The following TRABD2B variants were observed in gnomAD, a reference collection of about 807,000 sequenced individuals.
TRABD2B encodes the protein TraB domain containing 2B.
Under a neutral mutation model 40.1 loss-of-function variants are expected in TRABD2B, and 14 were observed. The observed-to-expected ratio is 0.35, with a 90% CI of 0.23 to 0.55. The LOEUF (loss-of-function observed/expected upper bound fraction) is 0.55. Among genes scored for constraint, TRABD2B ranks in the 20% least tolerant of loss-of-function variants. The pLI is 0.90. For synonymous variants in TRABD2B, 263 were observed against 277.0 expected, an observed-to-expected ratio of 0.95 and a Z score of 0.50; for missense variants, 541 against 648.6, an observed-to-expected ratio of 0.83 and a Z score of 1.80.
rs189541034 is a variant in TRABD2B, at chr1:47,873,307, A to G, written c.667-71688T>C. Among the ~76,000 whole-genome samples, 225 of 152,272 alleles carry G rather than the reference A, an allele frequency of 1.5e-3. 1 individual carries two copies. Among genetic ancestry groups the G allele is most frequent in the Non-Finnish European group, 2.8e-3 (189 of 68,016 alleles). ...TTAGAGCCCAGAACCTGAGTGAGGGATGAAGCTGGTGTGTGGCTCACCCAA... is the reference window on the plus strand; with the variant it reads ...TTAGAGCCCAGAACCTGAGTGAGGGGTGAAGCTGGTGTGTGGCTCACCCAA... On this transcript the variant is annotated intron_variant, in intron 2 of 6. Transcript: ENST00000606738.
intron 2 of TRABD2B, chr1:47,818,485 C>T (rs1246427374): frequency 6.6e-6 from 1 of 152,282 alleles, no homozygotes; most frequent in Non-Finnish European, 1.5e-5. Context: ...ACTTCAATAT[C>T]TTCCCTGCTG....
Position 47,996,844 on chromosome 1 carries a change from G to A in TRABD2B, c.-55C>T. 8.6e-7 allele frequency: 1 copy of A among 1,162,738 alleles called. No individual in the cohort carries two copies. The highest frequency in any genetic ancestry group is 1.1e-6 in the Non-Finnish European group (1 of 943,768). 72.0% of individuals were successfully genotyped at this position (1,162,738 alleles called of 1,614,324 possible). Reference sequence around the variant, plus strand: ...CCTCCTGGGCGGCGCCCCTCAGCGGGGCGGGGAGCCCCCAGTTGGGCACGG... The same window carrying A: ...CCTCCTGGGCGGCGCCCCTCAGCGGAGCGGGGAGCCCCCAGTTGGGCACGG... On this transcript the variant is annotated 5_prime_UTR_variant, in exon 1 of 7. Coordinates refer to ENST00000606738, the MANE Select transcript of TRABD2B (RefSeq NM_001194986.2). The surrounding 1 kb of genome is among the most constrained non-coding windows in gnomAD (Gnocchi z 4.6).
intron 2 of TRABD2B, among the ~76,000 whole-genome samples, chr1:47,881,158 T>C (rs1644297995): frequency 6.6e-6 from 1 of 152,196 alleles, no homozygotes; most frequent in African/African-American, 2.4e-5. Flanking sequence ...CCCATGCCCA[T>C]GATCAACTTG....
Position 47,775,283 on chromosome 1 carries a change from G to A in TRABD2B, c.1236C>T (p.Pro412=), listed in dbSNP as rs550842849. Residue 412 remains proline, a synonymous_variant, in exon 6 of 7, where the codon CCC becomes CCT. Transcript: ENST00000606738. The stretch of plus-strand genomic sequence containing the variant: ...ACTCCTCCAGCTGGCTGAGGCTGTC[G>A]GGGAGCAGGAGGTGTGGGGACAGGG... ...DPALSPHLLL[P]DSLSQLEEFG... is the part of the protein sequence containing the mutation. 704 of 1,258,198 alleles carry A rather than the reference G, an allele frequency of 5.6e-4. No homozygotes were observed. The highest frequency in any genetic ancestry group is 1.8e-3 in the Middle Eastern group (7 of 3,928). 77.9% of individuals were successfully genotyped at this position (1,258,198 alleles called of 1,614,324 possible). A position where few individuals can be genotyped will look rare whatever the true frequency, so the allele number is the denominator to read the frequency against.
intron 4 of TRABD2B, among the ~76,000 whole-genome samples, chr1:47,784,259 T>C (rs773740429): frequency 3.9e-5 from 6 of 152,276 alleles, no homozygotes; most frequent in Non-Finnish European, 2.9e-5. Flanking sequence ...CTCTGAAGTA[T>C]TGGCAGCTGC....
At chr1:47,838,434 G>A (rs1437736791) in intron 2 of TRABD2B, among the ~76,000 whole-genome samples, 1 of 152,190 alleles carries the variant, frequency 6.6e-6, no homozygotes. Flanking sequence ...AAGAGCGGCT[G>A]CAGCTCATGT....
Position 47,940,375 on chromosome 1 carries a change from C to T in TRABD2B, c.666+53659G>A, listed in dbSNP as rs867626005. On this transcript the variant is annotated intron_variant, in intron 2 of 6. Coordinates refer to ENST00000606738, the MANE Select transcript of TRABD2B (RefSeq NM_001194986.2). ...CTCAAAAACAAGTCACTGTGTCCGA[C>T]GATGGCGATGATGGAATTTGTTGGG... Among the ~76,000 whole-genome samples the T allele has an allele frequency of 2.6e-4, 39 of 152,284 alleles. No individual in the cohort carries two copies. The South Asian group carries it at 2.7e-3, about 11-fold the overall frequency.
At chr1:47,962,635 G>A (rs576608646) in intron 2 of TRABD2B, among the ~76,000 whole-genome samples, 1 of 152,156 alleles carries the variant, frequency 6.6e-6, no homozygotes, top group African/African-American at 2.4e-5. Context: ...ATTCATTTAG[G>A]CTTCACAGCA....
chr1:47,961,711 C>T (rs556682263), intron 2 of TRABD2B, among the ~76,000 whole-genome samples: 28 of 152,244 alleles, frequency 1.8e-4, no homozygotes, highest in Middle Eastern at 3.4e-3. Context: ...AGTCAGGAAA[C>T]AACAGGTGCT....
intron 2 of TRABD2B, among the ~76,000 whole-genome samples, chr1:47,858,370 G>A (rs1050783987): frequency 3.3e-5 from 5 of 151,898 alleles, no homozygotes; most frequent in Admixed American, 6.6e-5. Context: ...CAATCCTTCC[G>A]CCTCAGCCTC....
chr1:47,947,399 G>A (rs1645274166), intron 2 of TRABD2B, among the ~76,000 whole-genome samples: 1 of 152,162 alleles, frequency 6.6e-6, no homozygotes. Context: ...AAACACCCAG[G>A]AGTGATGGGG....
At chr1:47,901,554 C>T (rs2124680274) in intron 2 of TRABD2B, among the ~76,000 whole-genome samples, 2 of 152,328 alleles carry the variant, frequency 1.3e-5, no homozygotes, top group Admixed American at 1.3e-4. Context: ...CAACAGCCTC[C>T]ACCTCCCTGA....
rs1034420900 is a variant in TRABD2B at position 47,761,826 on chromosome 1, C to G, written c.*4076G>C. On this transcript the variant is annotated 3_prime_UTR_variant, in exon 7 of 7. Coordinates refer to ENST00000606738, the MANE Select transcript of TRABD2B (RefSeq NM_001194986.2). Reference sequence around the variant, plus strand: ...ATTATGCCACTGGTGGAACTAAGGTCTGCCTCTCTCCTTCTTTTCTGCCTT... The same window carrying G: ...ATTATGCCACTGGTGGAACTAAGGTGTGCCTCTCTCCTTCTTTTCTGCCTT... 2 of 152,330 alleles carry G rather than the reference C, an allele frequency of 1.3e-5. No homozygotes were observed. The highest frequency in any genetic ancestry group is 2.9e-5 in the Non-Finnish European group (2 of 68,116). The allele number at this position is 152,330 out of a possible 1,614,324, so 9.4% of individuals were successfully genotyped here.
At chr1:47,870,808 C>A (rs952567679) in intron 2 of TRABD2B, among the ~76,000 whole-genome samples, 1 of 152,134 alleles carries the variant, frequency 6.6e-6, no homozygotes, top group African/African-American at 2.4e-5. Context: ...CACTCTTAAA[C>A]TTAGTGTGTC....
At chr1:47,804,935 G>A (rs913802070) in intron 2 of TRABD2B, among the ~76,000 whole-genome samples, 11 of 152,232 alleles carry the variant, frequency 7.2e-5, no homozygotes, top group Non-Finnish European at 1.5e-4. Context: ...GGCGCCTGAA[G>A]TCTCACTAGC....
At chr1:47,902,553 G>A (rs1644615775) in intron 2 of TRABD2B, among the ~76,000 whole-genome samples, 1 of 152,248 alleles carries the variant, frequency 6.6e-6, no homozygotes, top group South Asian at 2.1e-4. Flanking sequence ...CTGCAGTGCA[G>A]TGGCACGATC....
At chr1:47,977,692 A>AC (rs1307589992) in intron 2 of TRABD2B, among the ~76,000 whole-genome samples, 16 of 151,706 alleles carry the variant, frequency 1.1e-4, no homozygotes, top group African/African-American at 3.6e-4. Flanking sequence ...AAAAAAAAAA[A>AC]AAACACACAG....
intron 2 of TRABD2B, among the ~76,000 whole-genome samples, chr1:47,939,520 G>A (rs1319217793): frequency 1.3e-5 from 2 of 152,298 alleles, no homozygotes; most frequent in Admixed American, 6.5e-5. Flanking sequence ...TGTTCTGTCT[G>A]AGTTCTCTTT....
At position 47,775,174 on chromosome 1, in the gene TRABD2B, C is replaced by T. The variant is rs1644427272; in HGVS notation, c.1345G>A (p.Asp449Asn). 4.9e-6 allele frequency: 6 copies of T among 1,235,218 alleles called. No homozygotes were observed. In the South Asian group the frequency reaches 2.0e-4, roughly 41 times the overall value. 76.5% of individuals were successfully genotyped at this position (1,235,218 alleles called of 1,614,324 possible). Residue 449 changes from aspartate to asparagine, a missense_variant, in exon 6 of 7, where the codon GAC becomes AAC. Transcript: ENST00000606738. ...GACCTGCCCTCCCTGGCTCACCTGTCCTCGATGCGGACCCAGAGGTCATTG... is the reference window on the plus strand; with the variant it reads ...GACCTGCCCTCCCTGGCTCACCTGTTCTCGATGCGGACCCAGAGGTCATTG... The part of the protein sequence containing the change: ...QFNDLWVRIE[D>N]STTASPPPLP...
Sources: allele counts gnomAD v4.1 joint callset (sites outside exome capture counted in the v4.1 genomes callset), GRCh38; gene constraint gnomAD v4.1.1; non-coding constraint Gnocchi (gnomAD v3.1); transcripts MANE v1.5; gene names NCBI Gene and HGNC (gene_info 2026-07-23, HGNC 2026-07-21).